Variants in PIP5K1A observed in about 807,000 individuals in gnomAD.
The protein encoded by PIP5K1A is phosphatidylinositol 4-phosphate 5-kinase type-1 alpha.
A neutral mutation model predicts 72.9 loss-of-function variants in PIP5K1A; 46 were observed. The ratio of observed to expected loss-of-function variants is 0.63; its 90% CI spans 0.50 to 0.81. PIP5K1A has a LOEUF of 0.81. Among genes scored for constraint, PIP5K1A ranks in the 30% least tolerant of loss-of-function variants. The pLI is 0.00. For synonymous variants in PIP5K1A, 228 were observed against 255.1 expected (o/e 0.89, Z 1.01); for missense variants, 458 against 706.1 (o/e 0.65, Z 3.98).
At chr1:151,244,104 G>T (rs1692142081) in intron 14 of PIP5K1A, among the ~76,000 whole-genome samples, 1 of 144,854 alleles carries the variant, frequency 6.9e-6, no homozygotes. Context: ...GCTTGAGGCA[G>T]TTTGAGACCA....
upstream of PIP5K1A, among the ~76,000 whole-genome samples, chr1:151,197,525 C>A (rs1572104242): frequency 6.7e-6 from 1 of 149,298 alleles, no homozygotes; most frequent in South Asian, 2.1e-4. Context: ...GTGATCCACC[C>A]GCCTCGGCCT....
At chr1:151,217,341 ACTG>A (rs1687785592) in intron 1 of PIP5K1A, among the ~76,000 whole-genome samples, 1 of 152,126 alleles carries the variant, frequency 6.6e-6, no homozygotes. Flanking sequence ...ATTCCTACCC[ACTG>A]CTGCTGCTCC....
chr1:151,237,656 T>G (rs917844813), intron 9 of PIP5K1A, among the ~76,000 whole-genome samples: 2 of 151,700 alleles, frequency 1.3e-5, no homozygotes. Context: ...AATGGGACCC[T>G]GTGTCAAAAA....
intron 9 of PIP5K1A, 23 bp from the exon 10 acceptor site, chr1:151,238,159 C>T (rs751635258): frequency 6.5e-7 from 1 of 1,533,722 alleles, no homozygotes; most frequent in Admixed American, 1.7e-5. Flanking sequence ...ATTTTCTCAC[C>T]CTTTCCTTTT....
At chr1:151,234,559 A>G in intron 8 of PIP5K1A, 63 bp downstream of exon 8, 2 of 1,364,094 alleles carry the variant, frequency 1.5e-6, no homozygotes, top group Non-Finnish European at 2.1e-6. Context: ...GTTCTTAGGC[A>G]TTAAGTTTGT....
At chr1:151,229,686 A>G (rs1458660347) in intron 4 of PIP5K1A, among the ~76,000 whole-genome samples, 1 of 151,448 alleles carries the variant, frequency 6.6e-6, no homozygotes, top group South Asian at 2.1e-4. Flanking sequence ...TATGTTGAAC[A>G]TTAAGATAAA....
chr1:151,218,059 C>T (rs934156647), intron 1 of PIP5K1A, among the ~76,000 whole-genome samples: 2 of 152,136 alleles, frequency 1.3e-5, no homozygotes, highest in Non-Finnish European at 1.5e-5. Flanking sequence ...GGATTGCAGG[C>T]GTGAGCCACT....
At chr1:151,238,528 G>A (rs932804217) in intron 10 of PIP5K1A, 1 of 429,630 alleles carries the variant, frequency 2.3e-6, no homozygotes, top group African/African-American at 2.0e-5. Context: ...GAAGCACCAG[G>A]GTAGAATATG....
intron 11 of PIP5K1A, 76 bp from the exon 12 acceptor site, chr1:151,239,879 T>C: frequency 2.9e-6 from 3 of 1,016,978 alleles, no homozygotes; most frequent in Non-Finnish European, 4.6e-6. Context: ...GGGCTCAGTC[T>C]GGGGGAAGAT....
intron 8 of PIP5K1A, among the ~76,000 whole-genome samples, chr1:151,235,545 G>A (rs1279042320): frequency 2.0e-5 from 3 of 152,196 alleles, no homozygotes; most frequent in Non-Finnish European, 4.4e-5. Flanking sequence ...ATCTCTGTAA[G>A]GAGGCACAGT....
intron 4 of PIP5K1A, among the ~76,000 whole-genome samples, chr1:151,229,829 A>G (rs868387166): frequency 6.7e-6 from 1 of 150,262 alleles, no homozygotes. Flanking sequence ...CATGCCTGTA[A>G]TCCCAGCACT....
At chr1:151,233,099 C>A (rs1199316118) in intron 7 of PIP5K1A, among the ~76,000 whole-genome samples, 186 of 107,436 alleles carry the variant, frequency 1.7e-3, no homozygotes, top group South Asian at 2.7e-3. Flanking sequence ...GACTCCGTCT[C>A]AAAAAAAAAA....
intron 1 of PIP5K1A, among the ~76,000 whole-genome samples, chr1:151,212,881 C>CTTTTTTTTTT (rs59115186): frequency 1.8e-5 from 2 of 112,998 alleles, no homozygotes; most frequent in Admixed American, 1.0e-4. Context: ...CTGACTTTGC[C>CTTTTTTTTTT]TTTTTTTTTT....
intron 1 of PIP5K1A, among the ~76,000 whole-genome samples, chr1:151,212,824 C>T (rs1356600758): frequency 4.7e-5 from 7 of 149,848 alleles, no homozygotes; most frequent in Admixed American, 1.3e-4. Flanking sequence ...CTGCCTGCCT[C>T]GGCCTCACAA....
chr1:151,223,202 TC>T (rs1290855843), intron 1 of PIP5K1A, among the ~76,000 whole-genome samples: 3 of 148,016 alleles, frequency 2.0e-5, no homozygotes, highest in Admixed American at 6.8e-5. Flanking sequence ...AATACAAAAA[TC>T]AGCCAGGCAT....
At chr1:151,227,624 C>A (rs2102517465) in intron 4 of PIP5K1A, among the ~76,000 whole-genome samples, 1 of 152,176 alleles carries the variant, frequency 6.6e-6, no homozygotes, top group South Asian at 2.1e-4. Context: ...GGCACAGTGC[C>A]CCAGGCCTGT....
chr1:151,243,884 T>G lies in PIP5K1A; in HGVS notation c.1640+1317T>G, dbSNP rs587678148. ...ATATCTTCTTTATGAGACCTAAGCT[T>G]CTTACAGACTCTGTTTTTCGGTTGA... On this transcript the variant is annotated intron_variant, in intron 14 of 15. Transcript: ENST00000368888. Among the ~76,000 whole-genome samples, 5 of 152,300 alleles carry G rather than the reference T, an allele frequency of 3.3e-5. No individual in the cohort carries two copies. In the South Asian group the frequency reaches 8.3e-4, roughly 25 times the overall value.
At chr1:151,246,195 C>G (rs1320910574) in intron 14 of PIP5K1A, among the ~76,000 whole-genome samples, 1 of 152,064 alleles carries the variant, frequency 6.6e-6, no homozygotes, top group Non-Finnish European at 1.5e-5. Flanking sequence ...TGCAGTGAGC[C>G]AAGATAGTGC....
intron 5 of PIP5K1A, 31 bp downstream of exon 5, chr1:151,231,832 T>A: frequency 6.2e-7 from 1 of 1,610,634 alleles, no homozygotes; most frequent in African/African-American, 1.3e-5. Context: ...GAGCATGTCC[T>A]GGAAATGTGG....
Sources: gnomAD v4.1 joint callset for allele counts (sites outside exome capture counted in the v4.1 genomes callset) on GRCh38, gnomAD v4.1.1 for gene constraint, MANE v1.5 for transcripts, NCBI Gene and HGNC (gene_info 2026-07-23, HGNC 2026-07-21) for gene names.